The following SMCO2 variants were observed in gnomAD, a reference collection of about 807,000 sequenced individuals.
SMCO2 encodes the protein single-pass membrane protein with coiled-coil domains 2.
A neutral mutation model predicts 29.5 loss-of-function variants in SMCO2; 25 were observed. The observed-to-expected ratio is 0.85, with a 90% confidence interval of 0.62 to 1.18. The LOEUF is 1.18. Among genes scored for constraint, SMCO2 ranks in the 50% most tolerant of loss-of-function variants. The pLI is 0.00. For missense variants in SMCO2, 348 were observed against 344.5 expected (o/e 1.01, Z -0.08); for synonymous variants, 117 against 123.3 (o/e 0.95, Z 0.34).
chr12:27,433,542 C>CACACACAT, the SMCO2 span, among the ~76,000 whole-genome samples: 3 of 132,630 alleles, frequency 2.3e-5, no homozygotes, highest in Non-Finnish European at 5.1e-5. Flanking sequence ...CACACACACA[C>CACACACAT]ATATATCATA....
At chr12:27,434,567 A>T in the SMCO2 span, among the ~76,000 whole-genome samples, 14 of 152,216 alleles carry the variant, frequency 9.2e-5, no homozygotes, top group African/African-American at 3.4e-4. Context: ...GAACACAAAA[A>T]GAAGATATGT....
the SMCO2 span, among the ~76,000 whole-genome samples, chr12:27,429,745 T>C: frequency 1.3e-5 from 2 of 152,212 alleles, no homozygotes; most frequent in African/African-American, 4.8e-5. Context: ...ACACACATGC[T>C]GTACACCTCT....
At chr12:27,444,274 G>A in the SMCO2 span, among the ~76,000 whole-genome samples, 12 of 152,260 alleles carry the variant, frequency 7.9e-5, no homozygotes, top group South Asian at 2.5e-3. Flanking sequence ...AAATGGTGCT[G>A]GGGAAACTGG....
At chr12:27,452,341 C>T in the SMCO2 span, among the ~76,000 whole-genome samples, 3 of 152,164 alleles carry the variant, frequency 2.0e-5, no homozygotes, top group African/African-American at 7.2e-5. Context: ...CGTCCACTCC[C>T]CTCCCACTCC....
chr12:27,492,276 G>C (rs528652899), intron 5 of SMCO2, among the ~76,000 whole-genome samples: 9 of 152,118 alleles, frequency 5.9e-5, no homozygotes, highest in African/African-American at 2.2e-4. Context: ...ATATAATGCA[G>C]GGCTTGATAT....
At chr12:27,482,981 C>T (rs1169764386) in intron 4 of SMCO2, among the ~76,000 whole-genome samples, 1 of 152,226 alleles carries the variant, frequency 6.6e-6, no homozygotes, top group African/African-American at 2.4e-5. Flanking sequence ...CCCTTCTTGA[C>T]CTCCCAAAGC....
the SMCO2 span, among the ~76,000 whole-genome samples, chr12:27,436,698 A>T: frequency 3.3e-5 from 5 of 152,234 alleles, no homozygotes; most frequent in South Asian, 2.1e-4. Context: ...CACTTGACCC[A>T]GATGGATCAA....
chr12:27,498,447 T>C (rs1943037820), intron 7 of SMCO2: 1 of 218,486 alleles, frequency 4.6e-6, no homozygotes, highest in South Asian at 8.5e-5. Flanking sequence ...AGTTCTATGA[T>C]AGCTGCTATT....
Position 27,475,689 on chromosome 12 carries a change from A to G in SMCO2, c.362+776A>G, listed in dbSNP as rs190326093. 84 of 1,549,448 alleles carry G rather than the reference A, an allele frequency of 5.4e-5. No individual in the cohort carries two copies. In the Admixed American group the frequency reaches 1.6e-3, roughly 30 times the overall value. ...ATAGACGGAACGGAGAAAATTGACA[A>G]TATTATTAAAAAAATAAATGTAACA... On this transcript the variant is annotated intron_variant, in intron 4 of 7. Transcript: ENST00000298876.
upstream of SMCO2, among the ~76,000 whole-genome samples, chr12:27,462,722 A>T (rs1949467954): frequency 6.6e-6 from 1 of 152,204 alleles, no homozygotes; most frequent in Non-Finnish European, 1.5e-5. Flanking sequence ...CTACTTAACT[A>T]CTAGTTTCAC....
intron 5 of SMCO2, among the ~76,000 whole-genome samples, chr12:27,489,787 A>G (rs1025170759): frequency 6.6e-6 from 1 of 152,180 alleles, no homozygotes; most frequent in African/African-American, 2.4e-5. Flanking sequence ...GCAAACTATA[A>G]AAAAGGGAAG....
chr12:27,433,961 G>A, the SMCO2 span, among the ~76,000 whole-genome samples: 2 of 152,102 alleles, frequency 1.3e-5, no homozygotes, highest in African/African-American at 4.8e-5. Context: ...GCTGGAGTGC[G>A]GTGGTGCCAT....
chr12:27,483,141 A>C (rs1949659835), intron 4 of SMCO2, among the ~76,000 whole-genome samples: 1 of 152,226 alleles, frequency 6.6e-6, no homozygotes, highest in South Asian at 2.1e-4. Flanking sequence ...GTTTGAGTAG[A>C]GTAGTCTACA....
intron 4 of SMCO2, among the ~76,000 whole-genome samples, chr12:27,475,364 A>G (rs1949576423): frequency 6.6e-6 from 1 of 152,202 alleles, no homozygotes; most frequent in African/African-American, 2.4e-5. Context: ...TTAAACATAA[A>G]ATATGCTTTG....
intron 6 of SMCO2, among the ~76,000 whole-genome samples, chr12:27,494,662 G>A (rs1297351001): frequency 6.6e-6 from 1 of 151,930 alleles, no homozygotes; most frequent in Non-Finnish European, 1.5e-5. Flanking sequence ...CCCTTGCCCT[G>A]CACCCCTCAA....
At chr12:27,452,423 G>A in the SMCO2 span, among the ~76,000 whole-genome samples, 3 of 152,096 alleles carry the variant, frequency 2.0e-5, no homozygotes, top group Admixed American at 2.0e-4. Flanking sequence ...ATCCACTGAT[G>A]GACACTTAGG....
At chr12:27,470,835 A>G (rs1273207791) in intron 2 of SMCO2, 70 bp downstream of exon 2, 1 of 1,484,098 alleles carries the variant, frequency 6.7e-7, no homozygotes, top group Non-Finnish European at 9.0e-7. Flanking sequence ...GGCCAGCGGT[A>G]TGCAAACGAT....
At chr12:27,499,612 CCAGA>C (rs921960701) in intron 7 of SMCO2, among the ~76,000 whole-genome samples, 1 of 150,662 alleles carries the variant, frequency 6.6e-6, no homozygotes, top group African/African-American at 2.5e-5. Context: ...AACCAACCAA[CCAGA>C]CAAATAAGTA....
chr12:27,463,933 C>T (rs1375175306), upstream of SMCO2, among the ~76,000 whole-genome samples: 1 of 152,172 alleles, frequency 6.6e-6, no homozygotes, highest in Non-Finnish European at 1.5e-5. Flanking sequence ...GGTTTTAATA[C>T]AGAAGCAAAG....
Sources: gnomAD v4.1 joint callset for allele counts (sites outside exome capture counted in the v4.1 genomes callset) on GRCh38, gnomAD v4.1.1 for gene constraint, MANE v1.5 for transcripts, NCBI Gene and HGNC (gene_info 2026-07-23, HGNC 2026-07-21) for gene names.